The following TM9SF4 variants were observed in gnomAD, a reference collection of about 807,000 sequenced individuals.
TM9SF4 encodes dinucleotide oxidase disulfide thiol exchanger 3 superfamily member 4.
A neutral mutation model predicts 90.4 loss-of-function variants in TM9SF4; 26 were observed. The ratio of observed to expected loss-of-function variants is 0.29; its 90% CI spans 0.21 to 0.40. The LOEUF (loss-of-function observed/expected upper bound fraction) is 0.40, where lower values mean the gene tolerates loss of function less well. Among genes scored for constraint, TM9SF4 ranks in the 10% least tolerant of loss-of-function variants. The probability of loss-of-function intolerance (pLI) is 1.00; values close to 1 mark genes in which losing one functional copy is unlikely to be tolerated. For synonymous variants in TM9SF4, 293 were observed against 315.4 expected (o/e 0.93, Z 0.75); for missense variants, 549 against 834.8 (o/e 0.66, Z 4.22).
At chr20:32,131,880 C>G (rs534509417) in intron 1 of TM9SF4, among the ~76,000 whole-genome samples, 1 of 152,136 alleles carries the variant, frequency 6.6e-6, no homozygotes, top group Non-Finnish European at 1.5e-5. Flanking sequence ...CATGCTGTGC[C>G]AGGCACTGTT....
chr20:32,144,464 C>T lies in TM9SF4; in HGVS notation c.653-627C>T, dbSNP rs571383150. On this transcript the variant is annotated intron_variant, in intron 6 of 17. Transcript: ENST00000398022. ...GATCAAGGTTTTATGTTGAATGGGACTGGCTGGATGGTAGGTGAACGTTTG... is the reference window on the plus strand; with the variant it reads ...GATCAAGGTTTTATGTTGAATGGGATTGGCTGGATGGTAGGTGAACGTTTG... Among the ~76,000 whole-genome samples, 10 of 152,336 alleles carry T rather than the reference C, an allele frequency of 6.6e-5. No individual in the cohort carries two copies. In the South Asian group the frequency reaches 2.1e-3, roughly 32 times the overall value.
chr20:32,109,894 T>A (rs1272035739), intron 1 of TM9SF4, 139 bp downstream of exon 1: 8 of 1,492,686 alleles, frequency 5.4e-6, no homozygotes, highest in Non-Finnish European at 7.1e-6. Context: ...CTGACTGGGC[T>A]TGTCTTCCCC....
rs2046743688 is a variant in TM9SF4 at position 32,145,123 on chromosome 20, C to T, written c.685C>T (p.Leu229=). The part of the protein sequence containing the change: ...LKADEKSSCT[L]PEGTNSSPQE... Reference sequence around the variant, plus strand: ...AGCAGATGAGAAGAGTTCGTGCACTCTGCCTGAGGGTACCAACTCCTCGCC... The same window carrying T: ...AGCAGATGAGAAGAGTTCGTGCACTTTGCCTGAGGGTACCAACTCCTCGCC... The change falls in exon 7 of 18, where the codon CTG becomes TTG. Residue 229 remains leucine (L), a synonymous_variant. Transcript: ENST00000398022. 2 of 1,614,072 alleles carry T rather than the reference C, an allele frequency of 1.2e-6. No homozygotes were observed. The highest frequency in any genetic ancestry group is 2.7e-5 in the African/African-American group (2 of 74,926).
At position 32,151,738 on chromosome 20, in the gene TM9SF4, A is replaced by G. The variant is rs2046844283; in HGVS notation, c.1245+863A>G. 2.0e-5 allele frequency among the ~76,000 whole-genome samples: 3 copies of G among 151,644 alleles called. No homozygotes were observed. The South Asian group carries it at 6.3e-4, about 32-fold the overall frequency. ...CTCTTGTTGCCCAGGCTGGAGTACAATGGCGCGATCTCGGATCACTGCAAC... is the reference window on the plus strand; with the variant it reads ...CTCTTGTTGCCCAGGCTGGAGTACAGTGGCGCGATCTCGGATCACTGCAAC... On this transcript the variant is annotated intron_variant, in intron 12 of 17. Transcript: ENST00000398022.
chr20:32,159,456 C>G (rs2046980798), intron 15 of TM9SF4: 1 of 155,616 alleles, frequency 6.4e-6, no homozygotes. Context: ...GAGACCACCT[C>G]ACCCACACAG....
Position 32,161,355 on chromosome 20 carries a change from T to G in TM9SF4, c.1769T>G (p.Phe590Cys). Residue 590 changes from phenylalanine (F) to cysteine (C), a missense_variant, in exon 17 of 18, where the codon TTC becomes TGC. Physicochemically the swap from Phe to Cys is radical, Grantham distance 205. Transcript: ENST00000398022. ...FYVLVYAIFY[F>C]VNKLDIVEFI... The stretch of plus-strand genomic sequence containing the variant: ...GTCCTGGTTTATGCCATCTTTTATT[T>G]CGTTAACAAGGTACTGCCCTCCTTG... 6.2e-7 allele frequency: 1 copy of G among 1,614,018 alleles called. No homozygotes were observed. The highest frequency in any genetic ancestry group is 8.5e-7 in the Non-Finnish European group (1 of 1,179,956).
rs2046953577 is a variant in TM9SF4, at chr20:32,157,934, C to T, written c.1470C>T (p.Ile490=). 1 of 1,613,996 alleles carries T rather than the reference C, an allele frequency of 6.2e-7. No homozygotes were observed. The highest frequency in any genetic ancestry group is 1.7e-5 in the Admixed American group (1 of 59,996). The part of the protein sequence containing the change: ...PVRTNQIPRQ[I]PEQRWYMNRF... ...GCACCAACCAGATTCCCCGGCAGAT[C>T]CCCGAGCAGCGGTGGTACATGAACC... Residue 490 remains isoleucine (I), a synonymous_variant, in exon 14 of 18, where the codon ATC becomes ATT. Coordinates refer to ENST00000398022, the MANE Select transcript of TM9SF4 (RefSeq NM_014742.4).
At chr20:32,112,789 G>A (rs2046165950) in intron 1 of TM9SF4, among the ~76,000 whole-genome samples, 1 of 151,940 alleles carries the variant, frequency 6.6e-6, no homozygotes, top group African/African-American at 2.4e-5. Flanking sequence ...TGGGAGTGTT[G>A]TACTGAAAAC....
chr20:32,115,912 C>A (rs2046215298), intron 1 of TM9SF4, among the ~76,000 whole-genome samples: 2 of 143,026 alleles, frequency 1.4e-5, no homozygotes, highest in Non-Finnish European at 3.0e-5. Context: ...ACCTCTGTCT[C>A]CTGGGTTCGA....
intron 12 of TM9SF4, among the ~76,000 whole-genome samples, chr20:32,154,805 C>T (rs1464474255): frequency 6.6e-6 from 1 of 152,238 alleles, no homozygotes; most frequent in Non-Finnish European, 1.5e-5. Context: ...ACAAGGTAGA[C>T]ACACTCCTCC....
At chr20:32,157,389 A>T (rs1433697028) in intron 13 of TM9SF4, among the ~76,000 whole-genome samples, 1 of 152,198 alleles carries the variant, frequency 6.6e-6, no homozygotes, top group African/African-American at 2.4e-5. Context: ...TTTTACACTT[A>T]ATAGTATATC....
chr20:32,122,174 C>A (rs1257596791), intron 1 of TM9SF4, among the ~76,000 whole-genome samples: 1 of 142,916 alleles, frequency 7.0e-6, no homozygotes, highest in African/African-American at 2.6e-5. Flanking sequence ...CCCCACCTCC[C>A]TCCCGGACGG....
At chr20:32,119,168 G>A (rs549613536) in intron 1 of TM9SF4, among the ~76,000 whole-genome samples, 2 of 152,188 alleles carry the variant, frequency 1.3e-5, no homozygotes, top group South Asian at 2.1e-4. Flanking sequence ...AAAGAAAAGA[G>A]GTTTATTTGG....
intron 1 of TM9SF4, among the ~76,000 whole-genome samples, chr20:32,128,774 T>A (rs2046461622): frequency 6.8e-6 from 1 of 147,656 alleles, no homozygotes; most frequent in Non-Finnish European, 1.5e-5. Flanking sequence ...TTTTTATGGC[T>A]GAAGAGTATT....
chr20:32,122,929 G>C (rs7347830), intron 1 of TM9SF4, among the ~76,000 whole-genome samples: 4 of 151,986 alleles, frequency 2.6e-5, no homozygotes, highest in African/African-American at 9.6e-5. Context: ...CACCTCGGGA[G>C]GCCGAGGCTG....
intron 15 of TM9SF4, chr20:32,159,734 A>G (rs2046985609): frequency 2.0e-6 from 1 of 491,578 alleles, no homozygotes; most frequent in Admixed American, 3.6e-5. Flanking sequence ...GATTTGGATA[A>G]GAATCATTAT....
At chr20:32,143,126 G>A (rs373605018) in intron 6 of TM9SF4, 21 bp downstream of exon 6, 17 of 1,610,492 alleles carry the variant, frequency 1.1e-5, no homozygotes, top group African/African-American at 2.7e-5. Context: ...AGGTGTGGCC[G>A]GAGGGGCAGG....
intron 12 of TM9SF4, among the ~76,000 whole-genome samples, chr20:32,151,355 T>A (rs149352829): frequency 6.6e-6 from 1 of 152,104 alleles, no homozygotes; most frequent in Non-Finnish European, 1.5e-5. Flanking sequence ...TAAGGAGAGT[T>A]CTTGGCAGCA....
At chr20:32,126,241 C>T (rs1186718691) in intron 1 of TM9SF4, among the ~76,000 whole-genome samples, 3 of 152,128 alleles carry the variant, frequency 2.0e-5, no homozygotes, top group South Asian at 2.1e-4. Flanking sequence ...CCAAAAGTGT[C>T]GTCATTACCT....
Sources: gnomAD v4.1 joint callset for allele counts (sites outside exome capture counted in the v4.1 genomes callset) on GRCh38, gnomAD v4.1.1 for gene constraint, MANE v1.5 for transcripts, NCBI Gene and HGNC (gene_info 2026-07-23, HGNC 2026-07-21) for gene names.